Variants in TMEM217B observed in about 807,000 individuals in gnomAD.
TMEM217B encodes the protein putative transmembrane protein 217B.
chr6:37,249,792 A>T, the TMEM217B span, among the ~76,000 whole-genome samples: 1 of 152,200 alleles, frequency 6.6e-6, no homozygotes, highest in African/African-American at 2.4e-5. Context: ...CTCTCATCCC[A>T]TGTGGTTGGA....
the TMEM217B span, chr6:37,218,974 C>T: frequency 1.9e-6 from 3 of 1,614,108 alleles, no homozygotes; most frequent in Admixed American, 3.3e-5. Flanking sequence ...TGGTGAAGAC[C>T]CCTGACAACA....
At chr6:37,229,588 C>T in the TMEM217B span, among the ~76,000 whole-genome samples, 4 of 151,928 alleles carry the variant, frequency 2.6e-5, no homozygotes, top group African/African-American at 7.3e-5. Flanking sequence ...GTGATCCACC[C>T]GCCTCCGCCT....
At chr6:37,243,950 T>C in the TMEM217B span, among the ~76,000 whole-genome samples, 1 of 152,134 alleles carries the variant, frequency 6.6e-6, no homozygotes, top group East Asian at 1.9e-4. Flanking sequence ...TCCTCAGAAA[T>C]GCAAGTCTGA....
chr6:37,212,901 G>T, the TMEM217B span: 51 of 1,542,858 alleles, frequency 3.3e-5, no homozygotes, highest in Admixed American at 5.9e-5. Flanking sequence ...TCAGGTCAAA[G>T]ATGAAGAACT....
chr6:37,255,500 T>C, the TMEM217B span, among the ~76,000 whole-genome samples: 8 of 152,036 alleles, frequency 5.3e-5, no homozygotes, highest in African/African-American at 1.2e-4. Context: ...CTGGGCAACA[T>C]GGTGAAACTT....
At chr6:37,227,311 G>A in the TMEM217B span, among the ~76,000 whole-genome samples, 1 of 152,094 alleles carries the variant, frequency 6.6e-6, no homozygotes, top group East Asian at 1.9e-4. Flanking sequence ...CTAACTCTCA[G>A]GGCCATTATG....
the TMEM217B span, among the ~76,000 whole-genome samples, chr6:37,242,811 C>T: frequency 6.6e-6 from 1 of 152,152 alleles, no homozygotes; most frequent in African/African-American, 2.4e-5. Flanking sequence ...TTTGGCCTTA[C>T]TTTTGTGGTC....
At chr6:37,243,634 T>C in the TMEM217B span, among the ~76,000 whole-genome samples, 6 of 152,154 alleles carry the variant, frequency 3.9e-5, no homozygotes, top group Admixed American at 2.0e-4. Context: ...GTTTCTCTCT[T>C]GTTGCCCAGG....
the TMEM217B span, chr6:37,212,877 G>T: frequency 1.3e-6 from 2 of 1,486,182 alleles, no homozygotes; most frequent in Non-Finnish European, 1.8e-6. Context: ...CATAGCAAAT[G>T]TGTGTCTTCT....
At chr6:37,229,523 T>C in the TMEM217B span, among the ~76,000 whole-genome samples, 6 of 151,860 alleles carry the variant, frequency 4.0e-5, no homozygotes, top group Non-Finnish European at 7.4e-5. Flanking sequence ...TTTGTATTTT[T>C]AGTAGAAACG....
chr6:37,255,149 G>A, the TMEM217B span, among the ~76,000 whole-genome samples: 2 of 152,166 alleles, frequency 1.3e-5, no homozygotes, highest in African/African-American at 4.8e-5. Context: ...CAACAAACAA[G>A]TACATAATAT....
chr6:37,253,799 C>T, the TMEM217B span, among the ~76,000 whole-genome samples: 1 of 152,134 alleles, frequency 6.6e-6, no homozygotes, highest in African/African-American at 2.4e-5. Context: ...AAGTGACTTT[C>T]CTCCTATAGT....
At chr6:37,233,489 G>A in the TMEM217B span, among the ~76,000 whole-genome samples, 8 of 152,202 alleles carry the variant, frequency 5.3e-5, no homozygotes, top group African/African-American at 1.9e-4. Flanking sequence ...GCTCACATGG[G>A]AGAAGGTGGA....
the TMEM217B span, among the ~76,000 whole-genome samples, chr6:37,244,470 C>T: frequency 6.6e-6 from 1 of 152,242 alleles, no homozygotes; most frequent in Non-Finnish European, 1.5e-5. Context: ...GCCTCCAATC[C>T]TTGGCCTATA....
chr6:37,229,253 A>T, the TMEM217B span, among the ~76,000 whole-genome samples: 1 of 151,558 alleles, frequency 6.6e-6, no homozygotes, highest in East Asian at 1.9e-4. Flanking sequence ...AACTCAACTG[A>T]ACAGAGTAAG....
the TMEM217B span, among the ~76,000 whole-genome samples, chr6:37,252,542 A>G: frequency 1.3e-5 from 2 of 150,394 alleles, no homozygotes; most frequent in African/African-American, 2.5e-5. Flanking sequence ...GTCAACATGT[A>G]TATGTTGTGA....
At chr6:37,254,518 C>T in the TMEM217B span, among the ~76,000 whole-genome samples, 2 of 152,204 alleles carry the variant, frequency 1.3e-5, no homozygotes. Context: ...TCAGAGAAGA[C>T]TGTTCTTCAA....
chr6:37,214,756 T>G, the TMEM217B span, among the ~76,000 whole-genome samples: 1 of 152,218 alleles, frequency 6.6e-6, no homozygotes. Context: ...TTCTTATACT[T>G]TATTCTCCAC....
the TMEM217B span, among the ~76,000 whole-genome samples, chr6:37,249,587 T>C: frequency 9.2e-5 from 14 of 152,146 alleles, no homozygotes; most frequent in African/African-American, 3.4e-4. Flanking sequence ...TCCCAAAGTG[T>C]TGGGATTACA....
Sources: allele counts gnomAD v4.1 joint callset (sites outside exome capture counted in the v4.1 genomes callset), GRCh38; gene constraint gnomAD v4.1.1; transcripts MANE v1.5; gene names NCBI Gene and HGNC (gene_info 2026-07-23, HGNC 2026-07-21).